The following XRN2 variants were observed in gnomAD, a reference collection of about 807,000 sequenced individuals.
XRN2 encodes the protein 5'-3' exoribonuclease 2, also known as DHM1-like protein.
XRN2 carries 44 observed loss-of-function variants against 138.5 expected under a neutral mutation model. The observed-to-expected ratio is 0.32, with a 90% confidence interval of 0.25 to 0.41. XRN2 has a LOEUF of 0.41. Ranked by LOEUF, XRN2 falls within the 10% of genes least tolerant of loss-of-function variation. XRN2 has a pLI of 1.00. For missense variants in XRN2, 937 were observed against 1,169.3 expected, an observed-to-expected ratio of 0.80 and a Z score of 2.90; for synonymous variants, 354 against 369.4, an observed-to-expected ratio of 0.96 and a Z score of 0.48.
intron 15 of XRN2, among the ~76,000 whole-genome samples, chr20:21,342,736 A>G (rs1224686421): frequency 6.6e-6 from 1 of 152,202 alleles, no homozygotes; most frequent in Admixed American, 6.5e-5. Context: ...TCCTTGCAAT[A>G]ACTTGTAAGG....
At chr20:21,362,753 G>A (rs1485345583) in intron 24 of XRN2, among the ~76,000 whole-genome samples, 1 of 152,116 alleles carries the variant, frequency 6.6e-6, no homozygotes, top group East Asian at 1.9e-4. Flanking sequence ...CTTCTCAACT[G>A]GAGTTCCATG....
rs769834257 is a variant in XRN2 at position 21,328,540 on chromosome 20, A to G, written c.316-19A>G. The G allele has an allele frequency of 1.2e-6, 2 of 1,605,516 alleles. No individual in the cohort carries two copies. The highest frequency in any genetic ancestry group is 1.7e-6 in the Non-Finnish European group (2 of 1,174,150). ...TGAATATTTTGATGAGTGTTATGGA[A>G]TATGAAATACATTTTCAGGCACCAC... On this transcript the variant is annotated intron_variant, in intron 3 of 29. Coordinates refer to ENST00000377191, the MANE Select transcript of XRN2 (RefSeq NM_012255.5).
intron 1 of XRN2, among the ~76,000 whole-genome samples, chr20:21,322,174 T>G (rs2038055411): frequency 6.6e-6 from 1 of 152,178 alleles, no homozygotes; most frequent in Admixed American, 6.5e-5. Context: ...GTAAAAGCCC[T>G]TGTAACAGTG....
intron 25 of XRN2, 41 bp downstream of exon 25, chr20:21,365,530 G>A (rs1418923354): frequency 6.2e-7 from 1 of 1,613,324 alleles, no homozygotes; most frequent in South Asian, 1.1e-5. Context: ...TGTACAAATG[G>A]TTTTCATCCC....
intron 1 of XRN2, among the ~76,000 whole-genome samples, chr20:21,321,537 C>G (rs1180306377): frequency 2.0e-5 from 3 of 152,008 alleles, no homozygotes; most frequent in Non-Finnish European, 4.4e-5. Flanking sequence ...CCAGGCTGGC[C>G]TTGAACTCCT....
rs768650643 is a variant in XRN2, at chr20:21,346,487, C to G, written c.1602C>G (p.Phe534Leu). ...ATGTGGATGCAGCTGATGAGAAATTCCGTCGGAAAGTTGTGCAGTCGTACG... is the reference window on the plus strand; with the variant it reads ...ATGTGGATGCAGCTGATGAGAAATTGCGTCGGAAAGTTGTGCAGTCGTACG... Reference protein sequence around the residue: ...KFDVDAADEKFRRKVVQSYVE... With the variant: ...KFDVDAADEKLRRKVVQSYVE... The change falls in exon 17 of 30, where the codon TTC becomes TTG. Residue 534 changes from phenylalanine (F) to leucine (L), a missense_variant. Physicochemically the swap from Phe to Leu is conservative, Grantham distance 22 (BLOSUM62 0). Around this residue, in one of 6 missense-constraint regions of XRN2, gnomAD observed 471 missense variants for 581.2 expected, o/e 0.81. Coordinates refer to ENST00000377191, the MANE Select transcript of XRN2 (RefSeq NM_012255.5). 1.2e-6 allele frequency: 2 copies of G among 1,614,144 alleles called. No homozygotes were observed. Among genetic ancestry groups the G allele is most frequent in the African/African-American group, 2.7e-5 (2 of 75,034 alleles).
At position 21,346,625 on chromosome 20, in the gene XRN2, G is replaced by GT. The variant is rs1600697604; in HGVS notation, c.1665+81dup. 10 of 1,554,116 alleles carry GT rather than the reference G, an allele frequency of 6.4e-6. No individual in the cohort carries two copies. The Admixed American group carries it at 9.3e-5, about 14-fold the overall frequency. On this transcript the variant is annotated intron_variant, in intron 17 of 29. Transcript: ENST00000377191. Reference sequence around the variant, plus strand: ...AATAGTAATTTCTTTTTTTTTGTTTGTTTTTTGTTTTTGAGACGGAGTCTT... The same window carrying GT: ...AATAGTAATTTCTTTTTTTTTGTTTGTTTTTTTGTTTTTGAGACGGAGTCTT...
intron 1 of XRN2, among the ~76,000 whole-genome samples, chr20:21,315,362 T>C (rs1166858269): frequency 6.6e-6 from 1 of 152,212 alleles, no homozygotes; most frequent in Non-Finnish European, 1.5e-5. Context: ...TTCTAGTGGG[T>C]GTGTGACGTG....
At chr20:21,351,607 T>A (rs1007668786) in intron 20 of XRN2, among the ~76,000 whole-genome samples, 1 of 152,210 alleles carries the variant, frequency 6.6e-6, no homozygotes, top group Non-Finnish European at 1.5e-5. Context: ...AAATCAAGTT[T>A]ATCTTTTTTG....
intron 28 of XRN2, among the ~76,000 whole-genome samples, chr20:21,384,474 C>T (rs1355713449): frequency 1.3e-5 from 2 of 151,954 alleles, no homozygotes; most frequent in Admixed American, 6.6e-5. Flanking sequence ...AATAAGTTGC[C>T]TTATTTATTA....
At chr20:21,323,373 G>A (rs1217007631) in intron 1 of XRN2, among the ~76,000 whole-genome samples, 1 of 152,168 alleles carries the variant, frequency 6.6e-6, no homozygotes, top group Non-Finnish European at 1.5e-5. Flanking sequence ...TCTGTCATCT[G>A]GGGAATCCAA....
chr20:21,389,230 G>A, intron 29 of XRN2, 43 bp from the exon 30 acceptor site: 2 of 1,558,054 alleles, frequency 1.3e-6, no homozygotes, highest in Non-Finnish European at 1.8e-6. Context: ...ACTTGCAGGA[G>A]TATCGGTCCA....
chr20:21,329,039 G>A (rs984461982), intron 4 of XRN2, among the ~76,000 whole-genome samples: 11 of 152,150 alleles, frequency 7.2e-5, no homozygotes, highest in Admixed American at 7.2e-4. Context: ...CTATAGTGCT[G>A]TAAACATTTT....
Position 21,335,328 on chromosome 20 carries a change from G to A in XRN2, c.1233+1143G>A, listed in dbSNP as rs1035257625. 2.0e-5 allele frequency among the ~76,000 whole-genome samples: 3 copies of A among 152,168 alleles called. 1 individual carries two copies. Among genetic ancestry groups the A allele is most frequent in the South Asian group, 4.1e-4 (2 of 4,834 alleles). Reference sequence around the variant, plus strand: ...CAGCAAGGAAATCCTTTCAGAAACTGATTTTATAAAAGTCATGTGGCTATT... The same window carrying A: ...CAGCAAGGAAATCCTTTCAGAAACTAATTTTATAAAAGTCATGTGGCTATT... On this transcript the variant is annotated intron_variant, in intron 13 of 29. Transcript: ENST00000377191.
At chr20:21,380,494 T>C (rs989194981) in intron 27 of XRN2, among the ~76,000 whole-genome samples, 10 of 152,246 alleles carry the variant, frequency 6.6e-5, no homozygotes, top group Non-Finnish European at 1.0e-4. Context: ...TTTCTGATAG[T>C]GTATAGTCTG....
At chr20:21,303,989 G>T (rs2037779123) in intron 1 of XRN2, 1 of 430,412 alleles carries the variant, frequency 2.3e-6, no homozygotes, top group Non-Finnish European at 3.1e-6. Flanking sequence ...AGGACCATTT[G>T]TTGTTCTGGT....
intron 27 of XRN2, among the ~76,000 whole-genome samples, chr20:21,375,174 T>C (rs912229428): frequency 6.6e-6 from 1 of 151,418 alleles, no homozygotes; most frequent in Admixed American, 6.6e-5. Context: ...TTAGTGTTGC[T>C]AGAATCTATT....
intron 29 of XRN2, among the ~76,000 whole-genome samples, chr20:21,388,528 A>G (rs762697932): frequency 8.5e-5 from 13 of 152,204 alleles, no homozygotes; most frequent in Non-Finnish European, 1.9e-4. Context: ...AAAGTTTTAT[A>G]TGACCAAACA....
At chr20:21,337,146 G>C (rs1327391391) in intron 13 of XRN2, among the ~76,000 whole-genome samples, 1 of 152,216 alleles carries the variant, frequency 6.6e-6, no homozygotes, top group Non-Finnish European at 1.5e-5. Flanking sequence ...AAAGTGACAA[G>C]ATTTGACACA....
Sources: allele counts gnomAD v4.1 joint callset (sites outside exome capture counted in the v4.1 genomes callset), GRCh38; gene constraint gnomAD v4.1.1; regional missense constraint gnomAD v4.1.1; transcripts MANE v1.5; gene names NCBI Gene and HGNC (gene_info 2026-07-23, HGNC 2026-07-21).